Variants in PROX2 observed in about 807,000 individuals in gnomAD.
PROX2 encodes prospero homeobox protein 2.
Under a neutral mutation model 48.9 loss-of-function variants are expected in PROX2, and 46 were observed. The ratio of observed to expected loss-of-function variants is 0.94; its 90% CI spans 0.74 to 1.20. The LOEUF (loss-of-function observed/expected upper bound fraction) is 1.20, where lower values mean the gene tolerates loss of function less well. Ranked by LOEUF, PROX2 falls within the 50% of genes most tolerant of loss-of-function variation. PROX2 has a pLI of 0.00. For synonymous variants in PROX2, 260 were observed against 276.6 expected (o/e 0.94, Z 0.60); for missense variants, 663 against 719.4 (o/e 0.92, Z 0.90).
Position 74,862,885 on chromosome 14 carries a change from G to A in PROX2, c.950C>T (p.Pro317Leu). 6.2e-7 allele frequency: 1 copy of A among 1,613,894 alleles called. No homozygotes were observed. The highest frequency in any genetic ancestry group is 1.1e-5 in the South Asian group (1 of 91,078). The change falls in exon 3 of 6, where the codon CCT (proline) becomes CTT (leucine). Residue 317 changes from proline to leucine, a missense_variant. Physicochemically the swap from Pro to Leu is moderately conservative, Grantham distance 98 (BLOSUM62 -3). Coordinates refer to ENST00000556489, the MANE Select transcript of PROX2 (RefSeq NM_001243007.2). ...ACAGGGTTTGGGGGTCATTCTTGGA[G>A]GGATAGGGTACCTAGGAGAATCTAG... Reference protein sequence around the residue: ...KRLDSPRYPIPPRMTPKPCQD... With the variant: ...KRLDSPRYPILPRMTPKPCQD...
At chr14:74,869,518 T>C (rs1017939266) in intron 2 of PROX2, among the ~76,000 whole-genome samples, 5 of 152,202 alleles carry the variant, frequency 3.3e-5, no homozygotes, top group Admixed American at 2.6e-4. Context: ...CCTCAGGTGA[T>C]CCACCCACCT....
At position 74,854,690 on chromosome 14, in the gene PROX2, A is replaced by C. The variant is rs1263555092; in HGVS notation, c.*442T>G. 6.5e-6 allele frequency: 1 copy of C among 154,076 alleles called. No individual in the cohort carries two copies. The highest frequency in any genetic ancestry group is 1.4e-5 in the Non-Finnish European group (1 of 69,324). The allele number at this position is 154,076 out of a possible 1,614,324, so 9.5% of individuals were successfully genotyped here. A position where few individuals can be genotyped will look rare whatever the true frequency, so the allele number is the denominator to read the frequency against. ...TATAATTAGGTGACTAAAAACAGCA[A>C]TTTGTAAAAACCCCAAATAAGATAA... On this transcript the variant is annotated 3_prime_UTR_variant, in exon 6 of 6. Coordinates refer to ENST00000556489, the MANE Select transcript of PROX2 (RefSeq NM_001243007.2).
intron 2 of PROX2, among the ~76,000 whole-genome samples, chr14:74,870,439 A>AAACACACACACAC (rs766736707): frequency 3.3e-5 from 1 of 29,936 alleles, no homozygotes; most frequent in African/African-American, 2.4e-4. Context: ...AAAAAAAAAA[A>AAACACACACACAC]ATACACACAC....
chr14:74,862,742 G>A lies in PROX2; in HGVS notation c.1093C>T (p.Gln365Ter), dbSNP rs1213970435. 2 of 1,613,738 alleles carry A rather than the reference G, an allele frequency of 1.2e-6. No individual in the cohort carries two copies. Among genetic ancestry groups the A allele is most frequent in the Non-Finnish European group, 1.7e-6 (2 of 1,179,780 alleles). Reference sequence around the variant, plus strand: ...GGGTGCCTCTGGGAAGATGAGTCCTGGGGAGGACTGCTACTCCAATGGCCA... The same window carrying A: ...GGGTGCCTCTGGGAAGATGAGTCCTAGGGAGGACTGCTACTCCAATGGCCA... ...NNGHWSSSPP[Q>*]DSSSQRHPSS... The change falls in exon 3 of 6, where the codon CAG becomes TAG. Residue 365 changes from glutamine (Q) to a stop codon, truncating the protein, a stop_gained. Coordinates refer to ENST00000556489, the MANE Select transcript of PROX2 (RefSeq NM_001243007.2). LOFTEE classifies it high-confidence loss of function.
Position 74,871,150 on chromosome 14 carries a change from CCCA to C in PROX2, c.-225_-223del, listed in dbSNP as rs1883204781. ...AGCTGAGGTGGGAAGACTGCTTGAG[CCCA>C]GGAGTTCAAAGCTGTAGTGTGCTAC... is the stretch of plus-strand genomic sequence containing the variant. On this transcript the variant is annotated 5_prime_UTR_variant, in exon 2 of 6. Transcript: ENST00000556489. The C allele has an allele frequency of 6.6e-6, 1 of 151,836 alleles. No individual in the cohort carries two copies. Among genetic ancestry groups the C allele is most frequent in the Admixed American group, 6.6e-5 (1 of 15,218 alleles). 9.4% of individuals were successfully genotyped at this position (151,836 alleles called of 1,614,324 possible). A position where few individuals can be genotyped will look rare whatever the true frequency, so the allele number is the denominator to read the frequency against.
At chr14:74,862,442 C>G (rs2091801268) in intron 3 of PROX2, 88 bp downstream of exon 3, 1 of 1,465,666 alleles carries the variant, frequency 6.8e-7, no homozygotes. Context: ...AATCCTCCCA[C>G]CTTGGCCTCC....
rs142356468 is a variant in PROX2 at position 74,858,185 on chromosome 14, A to C, written c.1413+222T>G. 4.9e-5 allele frequency: 22 copies of C among 448,164 alleles called. No homozygotes were observed. In the East Asian group the frequency reaches 6.8e-4, roughly 14 times the overall value. The allele number at this position is 448,164 out of a possible 1,614,324, so 27.8% of individuals were successfully genotyped here. On this transcript the variant is annotated intron_variant, in intron 4 of 5. Coordinates refer to ENST00000556489, the MANE Select transcript of PROX2 (RefSeq NM_001243007.2). Reference sequence around the variant, plus strand: ...TGTTTCTGTTTTGGGGATTATCTACAGCTCAGTAGCTTAAGAATTTAGACA... The same window carrying C: ...TGTTTCTGTTTTGGGGATTATCTACCGCTCAGTAGCTTAAGAATTTAGACA...
chr14:74,855,028 C>A lies in PROX2; in HGVS notation c.*104G>T. The A allele has an allele frequency of 1.5e-6, 1 of 664,896 alleles. No homozygotes were observed. The highest frequency in any genetic ancestry group is 3.5e-5 in the Admixed American group (1 of 28,684). The allele number at this position is 664,896 out of a possible 1,614,324, so 41.2% of individuals were successfully genotyped here. Reference sequence around the variant, plus strand: ...TACCTGTTTTGATAGAGGAGATTTCCTTGTGCCCTTTTTATATGACTACAG... The same window carrying A: ...TACCTGTTTTGATAGAGGAGATTTCATTGTGCCCTTTTTATATGACTACAG... On this transcript the variant is annotated 3_prime_UTR_variant, in exon 6 of 6. Coordinates refer to ENST00000556489, the MANE Select transcript of PROX2 (RefSeq NM_001243007.2).
At chr14:74,860,500 C>T (rs1011723406) in intron 3 of PROX2, among the ~76,000 whole-genome samples, 4 of 152,226 alleles carry the variant, frequency 2.6e-5, no homozygotes, top group Admixed American at 1.3e-4. Flanking sequence ...CAATGCCTGC[C>T]ACCGAGAAGG....
chr14:74,858,779 TGTG>T (rs2140163735), intron 3 of PROX2: 2 of 84,714 alleles, frequency 2.4e-5, no homozygotes, highest in East Asian at 3.5e-4. Context: ...TGGTGTATTT[TGTG>T]TGTGTGTGTG....
At chr14:74,873,970 A>G in intron 1 of PROX2, 2 of 494,058 alleles carry the variant, frequency 4.0e-6, no homozygotes. Flanking sequence ...AATGTGGAAG[A>G]GTTTGAGTTA....
Position 74,863,540 on chromosome 14 carries a change from C to A in PROX2, c.295G>T (p.Ala99Ser). The change falls in exon 3 of 6, where the codon GCC becomes TCC. Residue 99 changes from alanine (A) to serine (S), a missense_variant. Transcript: ENST00000556489. Reference protein sequence around the residue: ...AGVSPRCPKKARERKRKQNLP... With the variant: ...AGVSPRCPKKSRERKRKQNLP... ...TTCTGCTTCCTCTTCCTCTCTCGGG[C>A]CTTCTTTGGGCAGCGTGGGCTGACC... The A allele has an allele frequency of 6.2e-7, 1 of 1,613,546 alleles. No individual in the cohort carries two copies.
intron 3 of PROX2, chr14:74,861,139 G>A (rs564811493): frequency 3.2e-5 from 36 of 1,142,680 alleles, no homozygotes; most frequent in South Asian, 2.3e-4. Context: ...TTCTGGCATG[G>A]TAATGAGCTG....
chr14:74,875,552 C>T (rs1883322546), intron 1 of PROX2, among the ~76,000 whole-genome samples: 1 of 152,222 alleles, frequency 6.6e-6, no homozygotes, highest in South Asian at 2.1e-4. Context: ...TGCGTTTCAG[C>T]TTTTATAAAA....
Position 74,863,153 on chromosome 14 carries a change from T to G in PROX2, c.682A>C (p.Lys228Gln). ...TGGGACACTGCCCTGGTCAGCTCTT[T>G]CCTCAGAATCTCTAGTGAAGCTGGT... is the stretch of plus-strand genomic sequence containing the variant. ...GAPASLEILRKELTRAVSQAV... is the reference protein window; with the variant it reads ...GAPASLEILRQELTRAVSQAV... The change falls in exon 3 of 6, where the codon AAA becomes CAA. Residue 228 changes from lysine to glutamine, a missense_variant. Physicochemically the swap from Lys to Gln is moderately conservative, Grantham distance 53. Coordinates refer to ENST00000556489, the MANE Select transcript of PROX2 (RefSeq NM_001243007.2). The G allele has an allele frequency of 6.2e-7, 1 of 1,614,044 alleles. No individual in the cohort carries two copies. The highest frequency in any genetic ancestry group is 8.5e-7 in the Non-Finnish European group (1 of 1,179,890).
intron 3 of PROX2, among the ~76,000 whole-genome samples, chr14:74,861,821 A>G (rs1200399586): frequency 6.6e-6 from 1 of 152,106 alleles, no homozygotes; most frequent in Non-Finnish European, 1.5e-5. Flanking sequence ...TATCTACACA[A>G]TATAGGATTT....
Position 74,857,242 on chromosome 14 carries a change from G to T in PROX2, c.1414-247C>A, listed in dbSNP as rs916030289. The stretch of plus-strand genomic sequence containing the variant: ...TTTTTTGATATGCTAGATTTATGGG[G>T]GTTGTTTTACCCATGAAAAGCTTTT... On this transcript the variant is annotated intron_variant, in intron 4 of 5. Coordinates refer to ENST00000556489, the MANE Select transcript of PROX2 (RefSeq NM_001243007.2). 3 of 387,072 alleles carry T rather than the reference G, an allele frequency of 7.8e-6. No homozygotes were observed. In the East Asian group the frequency reaches 1.2e-4, roughly 16 times the overall value. The allele number at this position is 387,072 out of a possible 1,614,324, so 24.0% of individuals were successfully genotyped here.
chr14:74,853,964 CTG>C lies in PROX2; in HGVS notation c.*1166_*1167del. On this transcript the variant is annotated 3_prime_UTR_variant, in exon 6 of 6. Coordinates refer to ENST00000556489, the MANE Select transcript of PROX2 (RefSeq NM_001243007.2). Reference sequence around the variant, plus strand: ...TCATCAGTGGAAGGTCAGCCATGGACTGTAATTTTGTTATGGAGTGGGAGAAT... The same window carrying C: ...TCATCAGTGGAAGGTCAGCCATGGACTAATTTTGTTATGGAGTGGGAGAAT... 5.7e-6 allele frequency: 1 copy of C among 174,024 alleles called. No individual in the cohort carries two copies. The highest frequency in any genetic ancestry group is 1.1e-4 in the South Asian group (1 of 9,348). 10.8% of individuals were successfully genotyped at this position (174,024 alleles called of 1,614,324 possible).
intron 2 of PROX2, among the ~76,000 whole-genome samples, chr14:74,867,073 G>A (rs1883083742): frequency 6.6e-6 from 1 of 152,156 alleles, no homozygotes; most frequent in African/African-American, 2.4e-5. Flanking sequence ...GGGAACTGGT[G>A]GAAATTTTCT....
Sources: allele counts gnomAD v4.1 joint callset (sites outside exome capture counted in the v4.1 genomes callset), GRCh38; gene constraint gnomAD v4.1.1; transcripts MANE v1.5; gene names NCBI Gene and HGNC (gene_info 2026-07-23, HGNC 2026-07-21).